Variants in CEP63 observed in about 807,000 individuals in gnomAD.
CEP63 encodes centrosomal protein 63.
Under a neutral mutation model 89.1 loss-of-function variants are expected in CEP63, and 84 were observed. The ratio of observed to expected loss-of-function variants is 0.94; its 90% CI spans 0.79 to 1.13. The LOEUF is 1.13. CEP63 is among the 50% of genes most tolerant of loss of function. The pLI is 0.00. For missense variants in CEP63, 838 were observed against 813.3 expected (o/e 1.03, Z -0.37); for synonymous variants, 267 against 272.5 (o/e 0.98, Z 0.20).
At chr3:134,527,252 AGTGGCACTG>A (rs1559945593) in intron 3 of CEP63, among the ~76,000 whole-genome samples, 1 of 152,142 alleles carries the variant, frequency 6.6e-6, no homozygotes, top group East Asian at 1.9e-4. Flanking sequence ...GACTGTGCAC[AGTGGCACTG>A]GTGGTGGTGT....
the CEP63 span, among the ~76,000 whole-genome samples, chr3:134,706,043 G>T: frequency 2.1e-3 from 319 of 152,278 alleles, 2 homozygotes; most frequent in Non-Finnish European, 4.0e-3. Context: ...GGTGGTGGAG[G>T]GGGGCACTAA....
intron 3 of CEP63, among the ~76,000 whole-genome samples, chr3:134,521,354 A>G (rs1947409977): frequency 6.6e-6 from 1 of 152,184 alleles, no homozygotes; most frequent in Non-Finnish European, 1.5e-5. Flanking sequence ...CTTTCAATTT[A>G]ATTTTGTTTT....
chr3:134,596,837 G>A, the CEP63 span, among the ~76,000 whole-genome samples: 1 of 152,204 alleles, frequency 6.6e-6, no homozygotes, highest in Non-Finnish European at 1.5e-5. Context: ...GCAACAAAGT[G>A]TGACATGAAC....
chr3:134,763,952 C>T, the CEP63 span, among the ~76,000 whole-genome samples: 1 of 152,158 alleles, frequency 6.6e-6, no homozygotes, highest in Non-Finnish European at 1.5e-5. Context: ...GGATTGATGC[C>T]TCCCCTTTAT....
chr3:134,686,320 C>T, the CEP63 span, among the ~76,000 whole-genome samples: 1 of 152,188 alleles, frequency 6.6e-6, no homozygotes, highest in Non-Finnish European at 1.5e-5. Context: ...TATCTGTCCT[C>T]TCTCAATTTC....
chr3:134,703,157 G>T, the CEP63 span, among the ~76,000 whole-genome samples: 6 of 152,000 alleles, frequency 3.9e-5, no homozygotes, highest in South Asian at 1.0e-3. Flanking sequence ...TTAGCCAGGC[G>T]TGGTGGTGGG....
At chr3:134,604,970 CTG>C in the CEP63 span, among the ~76,000 whole-genome samples, 51 of 152,288 alleles carry the variant, frequency 3.3e-4, no homozygotes, top group Non-Finnish European at 6.8e-4. Context: ...CTCCCTGAGA[CTG>C]TGCATAGGAG....
At chr3:134,738,495 G>C in the CEP63 span, among the ~76,000 whole-genome samples, 1 of 152,232 alleles carries the variant, frequency 6.6e-6, no homozygotes, top group Admixed American at 6.5e-5. Context: ...CATAGTGACT[G>C]TTCTAGTTTA....
At chr3:134,661,070 A>G in the CEP63 span, among the ~76,000 whole-genome samples, 1 of 152,160 alleles carries the variant, frequency 6.6e-6, no homozygotes. Context: ...TTTGAGAGCA[A>G]TGGGAGAGAG....
chr3:134,719,360 A>C, the CEP63 span, among the ~76,000 whole-genome samples: 7 of 152,162 alleles, frequency 4.6e-5, no homozygotes, highest in East Asian at 1.2e-3. Context: ...CTGCATTTTA[A>C]CACAATCCCC....
At chr3:134,759,074 C>T in the CEP63 span, among the ~76,000 whole-genome samples, 2 of 152,246 alleles carry the variant, frequency 1.3e-5, no homozygotes, top group South Asian at 2.1e-4. Context: ...GGCCTGTAGT[C>T]GCTGGAGAGG....
At position 134,549,175 on chromosome 3, in the gene CEP63, AG is replaced by A; in HGVS notation, c.1182+1del. ...HNNEYKAEIK[K>X]LKEQILQGEQ... ...AATGAATACAAAGCAGAGATTAAGAAGGTAAAAATCTGCATACCTAGGATTG... is the reference window on the plus strand; with the variant it reads ...AATGAATACAAAGCAGAGATTAAGAAGTAAAAATCTGCATACCTAGGATTG... On this transcript the variant is annotated frameshift_variant and splice_region_variant, in exon 10 of 15. Transcript: ENST00000675561. LOFTEE classifies it high-confidence loss of function. 6.3e-7 allele frequency: 1 copy of A among 1,593,986 alleles called. No individual in the cohort carries two copies. The highest frequency in any genetic ancestry group is 8.6e-7 in the Non-Finnish European group (1 of 1,161,820).
the CEP63 span, chr3:134,610,064 G>C: frequency 2.1e-6 from 2 of 955,882 alleles, no homozygotes; most frequent in Non-Finnish European, 3.2e-6. Context: ...GAGCCGAGGA[G>C]GAGTGGGCAT....
chr3:134,669,267 A>G, the CEP63 span, among the ~76,000 whole-genome samples: 4 of 152,072 alleles, frequency 2.6e-5, no homozygotes, highest in African/African-American at 9.7e-5. Flanking sequence ...GGCTCAAGTG[A>G]TCTGCCCACC....
the CEP63 span, among the ~76,000 whole-genome samples, chr3:134,771,518 C>T: frequency 7.0e-4 from 106 of 152,016 alleles, no homozygotes; most frequent in Non-Finnish European, 1.2e-3. Flanking sequence ...CAGGGTGGGG[C>T]CTGATAATTT....
At chr3:134,685,735 CCT>C in the CEP63 span, among the ~76,000 whole-genome samples, 1 of 152,148 alleles carries the variant, frequency 6.6e-6, no homozygotes, top group African/African-American at 2.4e-5. Flanking sequence ...CAGGAATTCC[CCT>C]CTGTCTAGTC....
chr3:134,547,578 T>C (rs1186991359), intron 9 of CEP63, 106 bp downstream of exon 9: 1 of 746,082 alleles, frequency 1.3e-6, no homozygotes, highest in East Asian at 4.3e-5. Flanking sequence ...AATAAGATTT[T>C]TTTCTAGTAT....
chr3:134,712,169 T>A, the CEP63 span, among the ~76,000 whole-genome samples: 1 of 152,194 alleles, frequency 6.6e-6, no homozygotes, highest in South Asian at 2.1e-4. Context: ...AGGTTTTTGT[T>A]GTCTTTGTTT....
chr3:134,647,076 C>T, the CEP63 span, among the ~76,000 whole-genome samples: 1 of 152,208 alleles, frequency 6.6e-6, no homozygotes, highest in Non-Finnish European at 1.5e-5. Flanking sequence ...AGACGACTAT[C>T]CTCTCTGTTG....
Sources: allele counts gnomAD v4.1 joint callset (sites outside exome capture counted in the v4.1 genomes callset), GRCh38; gene constraint gnomAD v4.1.1; transcripts MANE v1.5; gene names NCBI Gene and HGNC (gene_info 2026-07-23, HGNC 2026-07-21).